The following CHAF1A variants were observed in gnomAD, a reference collection of about 807,000 sequenced individuals.
CHAF1A encodes the protein CAF-1 subunit A.
In CHAF1A, 5 loss-of-function variants were observed where a neutral mutation model predicts 93.2. The ratio of observed to expected loss-of-function variants is 0.05; its 90% CI spans 0.03 to 0.11. CHAF1A has a LOEUF of 0.11. Among genes scored for constraint, CHAF1A ranks in the 10% least tolerant of loss-of-function variants. CHAF1A has a pLI of 1.00. For synonymous variants in CHAF1A, 504 were observed against 510.3 expected, an observed-to-expected ratio of 0.99 and a Z score of 0.17; for missense variants, 1,102 against 1,259.9, an observed-to-expected ratio of 0.87 and a Z score of 1.90.
At chr19:4,447,893 G>A, downstream of CHAF1A, 5 of 526,692 alleles carry the variant, frequency 9.5e-6, no homozygotes, top group Non-Finnish European at 1.7e-5. Context: ...AACCACAGCG[G>A]TGGGGAAGCC....
Position 4,443,182 on chromosome 19 carries a change from A to G in CHAF1A, c.*157A>G, listed in dbSNP as rs1974429271. On this transcript the variant is annotated 3_prime_UTR_variant, in exon 15 of 15. Transcript: ENST00000301280. Reference sequence around the variant, plus strand: ...ATAGGATGCTGGATTAGTTCCTTTGATATTTGTAAAAATTCCCCCAAGAGC... The same window carrying G: ...ATAGGATGCTGGATTAGTTCCTTTGGTATTTGTAAAAATTCCCCCAAGAGC... 1 of 657,508 alleles carries G rather than the reference A, an allele frequency of 1.5e-6. No individual in the cohort carries two copies. The highest frequency in any genetic ancestry group is 1.6e-5 in the South Asian group (1 of 61,048). The allele number at this position is 657,508 out of a possible 1,614,324, so 40.7% of individuals were successfully genotyped here.
chr19:4,443,122 C>A lies in CHAF1A; in HGVS notation c.*97C>A. The stretch of plus-strand genomic sequence containing the variant: ...CCTGTGTAAAGAGCACTTTGTCCTG[C>A]TTCACGGACCTCCCCAAAGTGTGCA... On this transcript the variant is annotated 3_prime_UTR_variant, in exon 15 of 15. Coordinates refer to ENST00000301280, the MANE Select transcript of CHAF1A (RefSeq NM_005483.3). The A allele has an allele frequency of 1.3e-6, 1 of 798,666 alleles. No homozygotes were observed. The highest frequency in any genetic ancestry group is 2.2e-6 in the Non-Finnish European group (1 of 460,140). The allele number at this position is 798,666 out of a possible 1,614,324, so 49.5% of individuals were successfully genotyped here. A position where few individuals can be genotyped will look rare whatever the true frequency, so the allele number is the denominator to read the frequency against.
Position 4,432,718 on chromosome 19 carries a change from C to T in CHAF1A, c.2204-352C>T, listed in dbSNP as rs1974207958. 2.0e-5 allele frequency among the ~76,000 whole-genome samples: 3 copies of T among 150,528 alleles called. No individual in the cohort carries two copies. The South Asian group carries it at 6.3e-4, about 32-fold the overall frequency. ...CAGACCACAGTGAGCCATGATCCTG[C>T]CACTGCACTCCAGCCTGGGTGACAG... On this transcript the variant is annotated intron_variant, in intron 12 of 14. Coordinates refer to ENST00000301280, the MANE Select transcript of CHAF1A (RefSeq NM_005483.3).
At chr19:4,430,145 G>C in intron 10 of CHAF1A, 1 of 348,938 alleles carries the variant, frequency 2.9e-6, no homozygotes, top group Non-Finnish European at 5.3e-6. Flanking sequence ...CGTGTCTGTC[G>C]GGAGGCCATG....
chr19:4,425,277 G>A (rs538260666), intron 7 of CHAF1A, among the ~76,000 whole-genome samples: 1 of 152,080 alleles, frequency 6.6e-6, no homozygotes, highest in African/African-American at 2.4e-5. Flanking sequence ...TAGAGACGGA[G>A]TATTGCTCTG....
downstream of CHAF1A, chr19:4,448,123 C>T (rs1974576638): frequency 9.9e-6 from 6 of 605,194 alleles, no homozygotes; most frequent in East Asian, 2.8e-5. Flanking sequence ...ATTTTGCACA[C>T]GGGTAAACTG....
intron 3 of CHAF1A, among the ~76,000 whole-genome samples, chr19:4,416,173 CA>C (rs1014017860): frequency 3.0e-4 from 43 of 143,486 alleles, no homozygotes; most frequent in South Asian, 6.6e-4. Flanking sequence ...GACTCCGTCT[CA>C]AAAAAAAAAA....
chr19:4,423,393 A>G lies in CHAF1A; in HGVS notation c.1306A>G (p.Lys436Glu). The change falls in exon 6 of 15, where the codon AAG (lysine) becomes GAG (glutamate). Residue 436 changes from lysine (K) to glutamate (E), a missense_variant and splice_region_variant. Physicochemically the swap from Lys to Glu is moderately conservative, Grantham distance 56. Coordinates refer to ENST00000301280, the MANE Select transcript of CHAF1A (RefSeq NM_005483.3). ...EEEKRLREEE[K>E]RIKAEKAEIT... is the part of the protein sequence containing the mutation. ...AGAGAAACGGTTAAGAGAAGAAGAG[A>G]AGGTAGAGTGTTTCCCACAGAGCTT... The G allele has an allele frequency of 1.9e-6, 3 of 1,614,098 alleles. No homozygotes were observed. The highest frequency in any genetic ancestry group is 2.5e-6 in the Non-Finnish European group (3 of 1,179,972).
In CHAF1A at chr19:4,443,197, C is replaced by T. The variant is rs1974429537; in HGVS notation, c.*172C>T. On this transcript the variant is annotated 3_prime_UTR_variant, in exon 15 of 15. Transcript: ENST00000301280. ...AGTTCCTTTGATATTTGTAAAAATT[C>T]CCCCAAGAGCCGCATATGAATCTGC... The T allele has an allele frequency of 4.7e-6, 3 of 631,758 alleles. No individual in the cohort carries two copies. In the East Asian group the frequency reaches 8.8e-5, roughly 19 times the overall value. 39.1% of individuals were successfully genotyped at this position (631,758 alleles called of 1,614,324 possible).
chr19:4,448,729 C>T (rs949977756), downstream of CHAF1A: 11 of 377,910 alleles, frequency 2.9e-5, no homozygotes, highest in African/African-American at 6.1e-5. Context: ...CTTTAGAACT[C>T]GACCTCAGTG....
chr19:4,408,978 C>T lies in CHAF1A; in HGVS notation c.179C>T (p.Ser60Phe), dbSNP rs371002759. The T allele has an allele frequency of 2.5e-6, 4 of 1,614,076 alleles. No individual in the cohort carries two copies. The highest frequency in any genetic ancestry group is 1.3e-5 in the African/African-American group (1 of 74,924). The change falls in exon 3 of 15, where the codon TCT becomes TTT. Residue 60 changes from serine to phenylalanine, a missense_variant. Coordinates refer to ENST00000301280, the MANE Select transcript of CHAF1A (RefSeq NM_005483.3). Reference protein sequence around the residue: ...ADDMSDDQGTSVQSKSPDLEA... With the variant: ...ADDMSDDQGTFVQSKSPDLEA... ...GACATGTCAGACGATCAGGGTACTT[C>T]TGTGCAAAGTAAAAGCCCCGATTTA...
At chr19:4,405,860 C>T (rs1973671594) in intron 1 of CHAF1A, 52 bp from the exon 2 acceptor site, 6 of 1,540,498 alleles carry the variant, frequency 3.9e-6, no homozygotes, top group Admixed American at 3.3e-5. Context: ...TATTTGCTAA[C>T]TTGATTATTT....
At chr19:4,444,102 G>A (rs1412437228), downstream of CHAF1A, among the ~76,000 whole-genome samples, 1 of 152,178 alleles carries the variant, frequency 6.6e-6, no homozygotes, top group Non-Finnish European at 1.5e-5. Flanking sequence ...CTTTACAGGG[G>A]CTCCCGACAA....
chr19:4,437,547 A>C (rs527295764), intron 13 of CHAF1A, among the ~76,000 whole-genome samples: 43 of 152,028 alleles, frequency 2.8e-4, no homozygotes, highest in African/African-American at 9.4e-4. Context: ...GACAGGGTCT[A>C]TGTTGCCCAG....
At position 4,429,743 on chromosome 19, in the gene CHAF1A, G is replaced by A. The variant is rs1303094092; in HGVS notation, c.1809G>A (p.Glu603=). 2 of 1,614,150 alleles carry A rather than the reference G, an allele frequency of 1.2e-6. No individual in the cohort carries two copies. The highest frequency in any genetic ancestry group is 2.2e-5 in the East Asian group (1 of 44,878). The change falls in exon 10 of 15, where the codon GAG becomes GAA. Residue 603 remains glutamate (E), a synonymous_variant. Coordinates refer to ENST00000301280, the MANE Select transcript of CHAF1A (RefSeq NM_005483.3). ...ACTATGAGGTGGACAGTGATGAGGA[G>A]TGGGAAGAAGAGGAGCCTGGGGAGT... ...LLDYEVDSDE[E]WEEEEPGESL... is the part of the protein sequence containing the mutation.
chr19:4,440,446 TAA>T (rs536946360), intron 13 of CHAF1A, among the ~76,000 whole-genome samples: 1 of 143,664 alleles, frequency 7.0e-6, no homozygotes, highest in Admixed American at 6.9e-5. Context: ...TGTCTCTACT[TAA>T]AAAAAAAAAA....
chr19:4,448,540 G>A (rs149591009), downstream of CHAF1A: 114 of 758,006 alleles, frequency 1.5e-4, no homozygotes, highest in Non-Finnish European at 2.0e-4. Context: ...CCAGCTGTGC[G>A]CTCATCACAG....
downstream of CHAF1A, chr19:4,445,332 C>T: frequency 8.2e-7 from 1 of 1,225,904 alleles, no homozygotes; most frequent in Non-Finnish European, 1.1e-6. Flanking sequence ...GATGGGGGCT[C>T]TGCCACGGGG....
intron 13 of CHAF1A, among the ~76,000 whole-genome samples, chr19:4,434,811 G>C (rs559223881): frequency 6.6e-6 from 1 of 152,282 alleles, no homozygotes; most frequent in Non-Finnish European, 1.5e-5. Context: ...GGTATATGCA[G>C]AACACCGCCC....
Sources: gnomAD v4.1 joint callset for allele counts (sites outside exome capture counted in the v4.1 genomes callset) on GRCh38, gnomAD v4.1.1 for gene constraint, MANE v1.5 for transcripts, NCBI Gene and HGNC (gene_info 2026-07-23, HGNC 2026-07-21) for gene names.